Variants in NFIA observed in about 807,000 individuals in gnomAD.
The protein encoded by NFIA is nuclear factor I A.
A neutral mutation model predicts 62.8 loss-of-function variants in NFIA; 8 were observed. The observed-to-expected ratio is 0.13, with a 90% CI of 0.07 to 0.23. NFIA has a LOEUF of 0.23. Among genes scored for constraint, NFIA ranks in the 10% least tolerant of loss-of-function variants. NFIA has a pLI of 1.00. For synonymous variants in NFIA, 235 were observed against 238.1 expected (o/e 0.99, Z 0.12); for missense variants, 410 against 642.1 (o/e 0.64, Z 3.91).
intron 2 of NFIA, among the ~76,000 whole-genome samples, chr1:61,274,551 A>G (rs868644385): frequency 3.9e-5 from 6 of 152,222 alleles, no homozygotes; most frequent in African/African-American, 1.4e-4. Context: ...ATCCAGTTCT[A>G]TGCAGTTGGG....
chr1:61,121,179 A>G (rs1646881144), intron 2 of NFIA, among the ~76,000 whole-genome samples: 1 of 152,164 alleles, frequency 6.6e-6, no homozygotes, highest in Admixed American at 6.5e-5. Context: ...GTTAAGGTTG[A>G]TTAAGTGATC....
At chr1:61,168,456 A>T (rs1261952689) in intron 2 of NFIA, among the ~76,000 whole-genome samples, 1 of 152,248 alleles carries the variant, frequency 6.6e-6, no homozygotes, top group African/African-American at 2.4e-5. Context: ...ATGGGGAATG[A>T]TTAAATAAAA....
intron 2 of NFIA, among the ~76,000 whole-genome samples, chr1:61,145,579 A>G (rs1208357556): frequency 6.6e-5 from 10 of 152,182 alleles, no homozygotes; most frequent in Admixed American, 5.9e-4. Flanking sequence ...CCCTCTTGGT[A>G]TATACTTAGT....
intron 2 of NFIA, among the ~76,000 whole-genome samples, chr1:61,226,104 T>C (rs1485309939): frequency 6.6e-6 from 1 of 152,204 alleles, no homozygotes; most frequent in Non-Finnish European, 1.5e-5. Flanking sequence ...AACCCAACTT[T>C]AGAAGAAAGT....
intron 2 of NFIA, among the ~76,000 whole-genome samples, chr1:61,246,690 C>T (rs1014329110): frequency 6.6e-6 from 1 of 152,112 alleles, no homozygotes; most frequent in Non-Finnish European, 1.5e-5. Context: ...ATGGAGGACA[C>T]ATTGTAAATC....
intron 2 of NFIA, among the ~76,000 whole-genome samples, chr1:61,158,764 C>T (rs1216249207): frequency 6.6e-6 from 1 of 152,206 alleles, no homozygotes; most frequent in African/African-American, 2.4e-5. Context: ...GTCTGTATAA[C>T]ACTTCCTGTA....
chr1:61,103,083 C>G (rs1037105911), intron 2 of NFIA, among the ~76,000 whole-genome samples: 1 of 152,058 alleles, frequency 6.6e-6, no homozygotes, highest in African/African-American at 2.4e-5. Flanking sequence ...CAAATGTAGC[C>G]TGATAAAAGT....
chr1:61,386,604 A>G (rs1209081568), intron 7 of NFIA, among the ~76,000 whole-genome samples: 1 of 152,212 alleles, frequency 6.6e-6, no homozygotes, highest in African/African-American at 2.4e-5. Context: ...TTACAGAGCT[A>G]CAGCAAATCA....
intron 4 of NFIA, among the ~76,000 whole-genome samples, chr1:61,345,799 A>T (rs558139287): frequency 6.6e-6 from 1 of 152,182 alleles, no homozygotes; most frequent in Non-Finnish European, 1.5e-5. Flanking sequence ...ATTGTTTTCT[A>T]TGAAACTGGT....
At chr1:61,389,981 C>T (rs1664888747) in intron 7 of NFIA, among the ~76,000 whole-genome samples, 1 of 152,150 alleles carries the variant, frequency 6.6e-6, no homozygotes, top group African/African-American at 2.4e-5. Flanking sequence ...GTACAAGATG[C>T]TCTAGTAGTA....
At chr1:61,167,072 T>C (rs960592207) in intron 2 of NFIA, among the ~76,000 whole-genome samples, 7 of 151,996 alleles carry the variant, frequency 4.6e-5, no homozygotes, top group Admixed American at 2.6e-4. Flanking sequence ...ACCCAGGAGG[T>C]GGAGGTTGCA....
At chr1:61,081,265 A>G (rs931352190), upstream of NFIA, among the ~76,000 whole-genome samples, 6 of 152,076 alleles carry the variant, frequency 3.9e-5, no homozygotes, top group Admixed American at 2.6e-4. Context: ...TTAAAAAAAA[A>G]AAACTGGAAA....
intron 6 of NFIA, among the ~76,000 whole-genome samples, chr1:61,378,269 C>T (rs1014629125): frequency 1.3e-5 from 2 of 152,170 alleles, no homozygotes; most frequent in Admixed American, 6.5e-5. Context: ...CCACGTCACT[C>T]AATCTAATTT....
intron 4 of NFIA, among the ~76,000 whole-genome samples, chr1:61,347,331 G>A (rs1469788696): frequency 2.0e-5 from 3 of 151,688 alleles, no homozygotes; most frequent in East Asian, 2.0e-4. Flanking sequence ...CCACCACCAC[G>A]CCCGGCTAAT....
At chr1:61,452,174 T>C (rs1395496570) in intron 10 of NFIA, among the ~76,000 whole-genome samples, 1 of 152,186 alleles carries the variant, frequency 6.6e-6, no homozygotes, top group East Asian at 1.9e-4. Flanking sequence ...GGCTTACACA[T>C]GTGTGACTGT....
At chr1:61,341,626 C>T (rs1157041514) in intron 4 of NFIA, among the ~76,000 whole-genome samples, 1 of 152,100 alleles carries the variant, frequency 6.6e-6, no homozygotes, top group Non-Finnish European at 1.5e-5. Flanking sequence ...CACAGGCACG[C>T]GTTGCCACAT....
chr1:61,246,343 C>T (rs564667635), intron 2 of NFIA, among the ~76,000 whole-genome samples: 17 of 152,044 alleles, frequency 1.1e-4, no homozygotes, highest in Non-Finnish European at 1.5e-4. Flanking sequence ...TGTTCATCAA[C>T]GTTATTTTGA....
At chr1:61,423,212 C>A (rs887199419) in intron 9 of NFIA, among the ~76,000 whole-genome samples, 1 of 150,256 alleles carries the variant, frequency 6.7e-6, no homozygotes. Context: ...TGGTTCATAG[C>A]GCTATTGCTA....
intron 10 of NFIA, among the ~76,000 whole-genome samples, chr1:61,431,691 C>T (rs1557433458): frequency 6.6e-6 from 1 of 152,218 alleles, no homozygotes; most frequent in Non-Finnish European, 1.5e-5. Context: ...CTTCACTGTG[C>T]TGGAAGCTGG....
Sources: gnomAD v4.1 joint callset for allele counts (sites outside exome capture counted in the v4.1 genomes callset) on GRCh38, gnomAD v4.1.1 for gene constraint, MANE v1.5 for transcripts, NCBI Gene and HGNC (gene_info 2026-07-23, HGNC 2026-07-21) for gene names.